Variants in NCALD observed in about 807,000 individuals in gnomAD.
NCALD encodes the protein neurocalcin delta, also known as neurocalcin-delta.
Under a neutral mutation model 18.6 loss-of-function variants are expected in NCALD, and 10 were observed. The observed-to-expected ratio is 0.54, with a 90% CI of 0.33 to 0.91. NCALD has a LOEUF of 0.91. Among genes scored for constraint, NCALD ranks in the 40% least tolerant of loss-of-function variants. The pLI, the probability that NCALD is intolerant of heterozygous loss-of-function variation, is 0.03. For synonymous variants in NCALD, 88 were observed against 87.4 expected, an observed-to-expected ratio of 1.01 and a Z score of -0.04; for missense variants, 184 against 247.6, an observed-to-expected ratio of 0.74 and a Z score of 1.72.
At chr8:101,727,392 C>G (rs1816620054) in intron 1 of NCALD, among the ~76,000 whole-genome samples, 3 of 152,204 alleles carry the variant, frequency 2.0e-5, no homozygotes, top group African/African-American at 7.2e-5. Flanking sequence ...TTTCACTCAT[C>G]TTCCCACTCC....
At position 101,754,019 on chromosome 8, in the gene NCALD, G is replaced by T. The variant is rs554301381; in HGVS notation, c.-19-34371C>A. On this transcript the variant is annotated intron_variant, in intron 1 of 3. Coordinates refer to ENST00000220931, the MANE Select transcript of NCALD (RefSeq NM_032041.3). The stretch of plus-strand genomic sequence containing the variant: ...CCCAACCACTGGTAAGAACCGTGAG[G>T]TCTTTCCTTTGCACAGCATGTCAGA... 2.6e-5 allele frequency among the ~76,000 whole-genome samples: 4 copies of T among 152,214 alleles called. 1 individual carries two copies. In the East Asian group the frequency reaches 5.8e-4, roughly 22 times the overall value.
intron 2 of NCALD, among the ~76,000 whole-genome samples, chr8:102,003,118 T>C (rs546492633): frequency 1.3e-5 from 2 of 151,460 alleles, no homozygotes; most frequent in East Asian, 1.9e-4. Flanking sequence ...ATCAACAAAA[T>C]TGATAGACCA....
At chr8:101,735,223 A>T (rs555002107) in intron 1 of NCALD, among the ~76,000 whole-genome samples, 28 of 152,204 alleles carry the variant, frequency 1.8e-4, no homozygotes, top group Non-Finnish European at 4.0e-4. Flanking sequence ...CAGCACAGGG[A>T]GCCGATCTAT....
intron 1 of NCALD, among the ~76,000 whole-genome samples, chr8:101,727,931 G>A (rs973002882): frequency 1.3e-5 from 2 of 152,190 alleles, no homozygotes; most frequent in African/African-American, 2.4e-5. Flanking sequence ...CTGGCATCCT[G>A]TTATTCAGTA....
At chr8:101,719,740 AAAAC>A (rs1380130583) in intron 1 of NCALD, 92 bp from the exon 2 acceptor site, 2 of 1,225,094 alleles carry the variant, frequency 1.6e-6, no homozygotes, top group Non-Finnish European at 2.2e-6. Context: ...GGAAGAAGAA[AAAAC>A]AAACAAATAA....
rs116685629 is a variant in NCALD, at chr8:102,011,212, A to T, written c.-157+9025T>A. 6.6e-3 allele frequency among the ~76,000 whole-genome samples: 1,006 copies of T among 152,238 alleles called. 10 individuals carry two copies. Among genetic ancestry groups the T allele is most frequent in the African/African-American group, 0.019 (800 of 41,540 alleles). On this transcript the variant is annotated intron_variant, in intron 2 of 6. Coordinates refer to the NCALD transcript ENST00000311028. ...TTTATGGTCAACCCCTACTCCCCCA[A>T]CACAGACACAAATACACCTTGGTCT...
At chr8:101,922,950 T>C (rs1818216832) in intron 2 of NCALD, among the ~76,000 whole-genome samples, 1 of 152,148 alleles carries the variant, frequency 6.6e-6, no homozygotes, top group African/African-American at 2.4e-5. Context: ...AAATATCTTA[T>C]TGTAACTGTA....
intron 2 of NCALD, among the ~76,000 whole-genome samples, chr8:101,932,080 C>T (rs1302216013): frequency 6.6e-6 from 1 of 152,164 alleles, no homozygotes. Flanking sequence ...ATCCCACCTA[C>T]CCCTCTGTTT....
At chr8:101,908,285 C>T (rs16868698) in intron 3 of NCALD, among the ~76,000 whole-genome samples, 21,610 of 152,068 alleles carry the variant, frequency 0.14, 1,847 homozygotes, top group East Asian at 0.22. Flanking sequence ...TGGCATCCGG[C>T]TTGATTTTAC....
At chr8:101,849,651 ATAGGAACGGAAGTCTCCTGCATTC>A (rs1815012095) in intron 4 of NCALD, among the ~76,000 whole-genome samples, 1 of 152,200 alleles carries the variant, frequency 6.6e-6, no homozygotes, top group Non-Finnish European at 1.5e-5. Flanking sequence ...CTGTATTAGC[ATAGGAACGGAAGTCTCCTGCATTC>A]TAATCTTTCT....
intron 4 of NCALD, among the ~76,000 whole-genome samples, chr8:101,886,316 A>G (rs1281261800): frequency 2.0e-5 from 3 of 152,180 alleles, no homozygotes; most frequent in African/African-American, 4.8e-5. Context: ...TTTGATATCA[A>G]TGTATCTGCC....
At chr8:102,053,241 T>G (rs1332278725) in intron 1 of NCALD, among the ~76,000 whole-genome samples, 2 of 152,222 alleles carry the variant, frequency 1.3e-5, no homozygotes, top group African/African-American at 4.8e-5. Flanking sequence ...CTTGATTTTT[T>G]TAAAATCTAA....
At chr8:101,892,770 A>T (rs1447885123) in intron 3 of NCALD, among the ~76,000 whole-genome samples, 1 of 150,366 alleles carries the variant, frequency 6.7e-6, no homozygotes, top group Non-Finnish European at 1.5e-5. Flanking sequence ...TCAGCAATGG[A>T]AGATGAAATG....
intron 4 of NCALD, among the ~76,000 whole-genome samples, chr8:101,827,311 C>G (rs767425679): frequency 2.0e-5 from 3 of 152,156 alleles, no homozygotes; most frequent in Non-Finnish European, 2.9e-5. Context: ...CCAGGATTAT[C>G]TCTCCATCTC....
At chr8:101,881,573 G>A (rs1226173557) in intron 4 of NCALD, among the ~76,000 whole-genome samples, 2 of 152,052 alleles carry the variant, frequency 1.3e-5, no homozygotes, top group Non-Finnish European at 2.9e-5. Flanking sequence ...TTTAAGTTTG[G>A]TGCCAAGGAC....
chr8:101,941,301 T>C (rs965631772), intron 2 of NCALD, among the ~76,000 whole-genome samples: 3 of 152,156 alleles, frequency 2.0e-5, no homozygotes, highest in African/African-American at 7.2e-5. Flanking sequence ...TAAGGAGCAT[T>C]CAACCTAGAT....
intron 1 of NCALD, among the ~76,000 whole-genome samples, chr8:102,087,363 C>T (rs966261462): frequency 3.9e-5 from 6 of 151,916 alleles, no homozygotes; most frequent in African/African-American, 1.5e-4. Context: ...AAGAACCCCA[C>T]ACCCCCCAAC....
intron 1 of NCALD, among the ~76,000 whole-genome samples, chr8:101,727,395 C>G (rs901272196): frequency 1.3e-5 from 2 of 152,176 alleles, no homozygotes; most frequent in Non-Finnish European, 2.9e-5. Flanking sequence ...CACTCATCTT[C>G]CCACTCCCTA....
intron 2 of NCALD, among the ~76,000 whole-genome samples, chr8:101,943,983 A>C (rs10098286): frequency 0.38 from 56,096 of 146,932 alleles, 10,714 homozygotes; most frequent in Admixed American, 0.43. Context: ...AACAAACAAA[A>C]AAAAACAGAA....
Sources: gnomAD v4.1 joint callset for allele counts (sites outside exome capture counted in the v4.1 genomes callset) on GRCh38, gnomAD v4.1.1 for gene constraint, MANE v1.5 for transcripts, NCBI Gene and HGNC (gene_info 2026-07-23, HGNC 2026-07-21) for gene names.